MBD5: variants seen among roughly 807,000 people sequenced by gnomAD.
MBD5 encodes the protein methyl-CpG-binding domain protein 5.
A neutral mutation model predicts 117.3 loss-of-function variants in MBD5; 13 were observed. The observed-to-expected ratio is 0.11, with a 90% CI of 0.07 to 0.18. MBD5 has a LOEUF of 0.18. Ranked by LOEUF, MBD5 falls within the 10% of genes least tolerant of loss-of-function variation. MBD5 has a pLI of 1.00. For synonymous variants in MBD5, 727 were observed against 766.4 expected (o/e 0.95, Z 0.85); for missense variants, 1,879 against 2,093.8 (o/e 0.90, Z 2.00).
Position 148,468,928 on chromosome 2 carries a change from C to T in MBD5, c.985C>T (p.His329Tyr). ...TATGGAAATACCACGAGCAATGTTC[C>T]ACCACAAACCACCCCAAGGCCCACC... The part of the protein sequence containing the change: ...TNMEIPRAMF[H>Y]HKPPQGPPPP... Residue 329 changes from histidine (H) to tyrosine (Y), a missense_variant, in exon 8 of 14, where the codon CAC becomes TAC. Transcript: ENST00000642680. 6.2e-7 allele frequency: 1 copy of T among 1,613,846 alleles called. No individual in the cohort carries two copies. The highest frequency in any genetic ancestry group is 8.5e-7 in the Non-Finnish European group (1 of 1,179,924).
intron 3 of MBD5, among the ~76,000 whole-genome samples, chr2:148,314,375 G>C (rs1702106958): frequency 1.3e-5 from 1 of 74,866 alleles, no homozygotes. Context: ...TCAGTGTTAT[G>C]GTTTTTTTTT....
At chr2:148,367,966 C>T (rs1047893647) in intron 4 of MBD5, among the ~76,000 whole-genome samples, 4 of 152,100 alleles carry the variant, frequency 2.6e-5, no homozygotes, top group Non-Finnish European at 4.4e-5. Context: ...CCCAGCAATC[C>T]CATTACTGGT....
At chr2:148,486,434 G>A (rs1681343025) in intron 10 of MBD5, among the ~76,000 whole-genome samples, 1 of 152,130 alleles carries the variant, frequency 6.6e-6, no homozygotes, top group Admixed American at 6.5e-5. Context: ...TAATCTTGGG[G>A]TAGAGAAGGC....
At chr2:148,374,968 G>A (rs1224307768) in intron 4 of MBD5, among the ~76,000 whole-genome samples, 1 of 151,966 alleles carries the variant, frequency 6.6e-6, no homozygotes, top group Non-Finnish European at 1.5e-5. Context: ...ATATTATTTT[G>A]AATTCATTTA....
intron 2 of MBD5, among the ~76,000 whole-genome samples, chr2:148,186,374 G>A (rs1009406388): frequency 6.6e-6 from 1 of 152,170 alleles, no homozygotes; most frequent in Non-Finnish European, 1.5e-5. Context: ...CCAGTCTTGG[G>A]TATGTCTTTA....
intron 3 of MBD5, among the ~76,000 whole-genome samples, chr2:148,258,946 A>G (rs760706661): frequency 6.6e-5 from 10 of 152,272 alleles, no homozygotes; most frequent in Middle Eastern, 3.4e-3. Context: ...GTCACCCTAC[A>G]TACAGGGTGG....
chr2:148,079,572 C>T (rs1171741156), intron 1 of MBD5, among the ~76,000 whole-genome samples: 1 of 151,642 alleles, frequency 6.6e-6, no homozygotes, highest in Admixed American at 6.6e-5. Context: ...TTAAAACTTG[C>T]TTTTGGCCTA....
intron 3 of MBD5, among the ~76,000 whole-genome samples, chr2:148,311,949 TTTTC>T (rs1200938050): frequency 6.6e-6 from 1 of 152,218 alleles, no homozygotes; most frequent in Non-Finnish European, 1.5e-5. Flanking sequence ...TTGAAAATTC[TTTTC>T]TTTAAGAATG....
rs184147620 is a variant in MBD5, at chr2:148,281,796, T to C, written c.-680+48401T>C. Among the ~76,000 whole-genome samples the C allele has an allele frequency of 1.8e-4, 27 of 152,242 alleles. No individual in the cohort carries two copies. In the East Asian group the frequency reaches 4.8e-3, roughly 27 times the overall value. ...CCTCCTCTGTCTTCCTGGTTTTATA[T>C]AATGGTTTATCCCCAAAAGCTTTTT... On this transcript the variant is annotated intron_variant, in intron 3 of 13. Coordinates refer to ENST00000642680, the MANE Select transcript of MBD5 (RefSeq NM_001378120.1).
rs529259314 is a variant in MBD5 at position 148,429,239 on chromosome 2, GA to G, written c.-556-28956del. On this transcript the variant is annotated intron_variant, in intron 4 of 13. Coordinates refer to ENST00000642680, the MANE Select transcript of MBD5 (RefSeq NM_001378120.1). ...ACATTTATGCAGCCAACAAACATAT[GA>G]AAAAAAAGCTCATCATCACTGGTCA... 1.3e-4 allele frequency among the ~76,000 whole-genome samples: 19 copies of G among 151,868 alleles called. No individual in the cohort carries two copies. The South Asian group carries it at 3.3e-3, about 27-fold the overall frequency.
intron 1 of MBD5, among the ~76,000 whole-genome samples, chr2:148,057,046 ATTAT>A (rs1260677910): frequency 1.3e-5 from 2 of 151,720 alleles, no homozygotes; most frequent in African/African-American, 4.8e-5. Context: ...TAATGTATGC[ATTAT>A]TTGTTGTTTC....
At chr2:148,123,097 A>G (rs1696807735) in intron 1 of MBD5, among the ~76,000 whole-genome samples, 1 of 152,216 alleles carries the variant, frequency 6.6e-6, no homozygotes, top group African/African-American at 2.4e-5. Flanking sequence ...CTCCAATCCT[A>G]ATGGTTTTCT....
At chr2:148,043,293 A>T (rs1298540818) in intron 1 of MBD5, among the ~76,000 whole-genome samples, 1 of 151,360 alleles carries the variant, frequency 6.6e-6, no homozygotes, top group Non-Finnish European at 1.5e-5. Flanking sequence ...AAAAATAAAT[A>T]AATAAATAAA....
chr2:148,072,932 C>G (rs191399633), intron 1 of MBD5, among the ~76,000 whole-genome samples: 1 of 151,976 alleles, frequency 6.6e-6, no homozygotes, highest in Non-Finnish European at 1.5e-5. Context: ...TCTGGAGTAC[C>G]TATATCCAGC....
intron 2 of MBD5, among the ~76,000 whole-genome samples, chr2:148,207,131 C>G (rs1438692600): frequency 6.6e-6 from 1 of 152,122 alleles, no homozygotes; most frequent in African/African-American, 2.4e-5. Flanking sequence ...GCAGGAGGGG[C>G]AAGGAGGTAC....
Position 148,513,053 on chromosome 2 carries a change from AGC to A in MBD5, c.*113_*114del. 3.7e-6 allele frequency: 4 copies of A among 1,076,288 alleles called. No individual in the cohort carries two copies. The South Asian group carries it at 5.1e-5, about 14-fold the overall frequency. The allele number at this position is 1,076,288 out of a possible 1,614,324, so 66.7% of individuals were successfully genotyped here. On this transcript the variant is annotated 3_prime_UTR_variant, in exon 14 of 14. Coordinates refer to ENST00000642680, the MANE Select transcript of MBD5 (RefSeq NM_001378120.1). ...TATCAATATTTAGACTATGGCAGAT[AGC>A]TACCACCACCACAGGGTGCTAAAAG... is the stretch of plus-strand genomic sequence containing the variant.
chr2:148,459,350 G>A (rs1006611058), intron 5 of MBD5, among the ~76,000 whole-genome samples: 7 of 152,092 alleles, frequency 4.6e-5, no homozygotes, highest in Middle Eastern at 3.4e-3. Context: ...ATTTCCTTGC[G>A]TGTAATAGTA....
chr2:148,085,648 C>T (rs112605702), intron 1 of MBD5, among the ~76,000 whole-genome samples: 7,928 of 150,612 alleles, frequency 0.053, 244 homozygotes, highest in African/African-American at 0.078. Context: ...GGCATGAACC[C>T]GGGAGGCGGA....
chr2:148,311,178 T>C (rs1378270707), intron 3 of MBD5, among the ~76,000 whole-genome samples: 2 of 152,188 alleles, frequency 1.3e-5, no homozygotes, highest in Admixed American at 6.5e-5. Flanking sequence ...GGTCCAGAGC[T>C]GAGTTCAAGT....
Sources: gnomAD v4.1 joint callset for allele counts (sites outside exome capture counted in the v4.1 genomes callset) on GRCh38, gnomAD v4.1.1 for gene constraint, MANE v1.5 for transcripts, NCBI Gene and HGNC (gene_info 2026-07-23, HGNC 2026-07-21) for gene names.